The following SPOCK1 variants were observed in gnomAD, a reference collection of about 807,000 sequenced individuals.
SPOCK1 encodes SPARC (osteonectin), cwcv and kazal like domains proteoglycan 1.
A neutral mutation model predicts 55.3 loss-of-function variants in SPOCK1; 23 were observed. The ratio of observed to expected loss-of-function variants is 0.42; its 90% CI spans 0.30 to 0.59. The LOEUF is 0.59. SPOCK1 is among the 20% of genes least tolerant of loss of function. The pLI, the probability that SPOCK1 is intolerant of heterozygous loss-of-function variation, is 0.22. For missense variants in SPOCK1, 499 were observed against 552.5 expected (o/e 0.90, Z 0.97); for synonymous variants, 226 against 221.0 (o/e 1.02, Z -0.20).
At chr5:137,287,944 C>T (rs879700190) in intron 2 of SPOCK1, among the ~76,000 whole-genome samples, 1 of 152,120 alleles carries the variant, frequency 6.6e-6, no homozygotes, top group Non-Finnish European at 1.5e-5. Flanking sequence ...AAGGGAAGTC[C>T]CATTACAAGA....
At chr5:137,343,657 T>C (rs1486137858) in intron 2 of SPOCK1, among the ~76,000 whole-genome samples, 1 of 152,204 alleles carries the variant, frequency 6.6e-6, no homozygotes, top group Non-Finnish European at 1.5e-5. Flanking sequence ...ACACAGTTCC[T>C]CCTTAGGGTC....
At chr5:137,253,819 T>A (rs909482348) in intron 3 of SPOCK1, among the ~76,000 whole-genome samples, 10 of 152,212 alleles carry the variant, frequency 6.6e-5, no homozygotes, top group African/African-American at 2.4e-4. Flanking sequence ...GTGAGCAACC[T>A]ACAAATATCC....
intron 6 of SPOCK1, among the ~76,000 whole-genome samples, chr5:137,018,386 T>C (rs113087491): frequency 6.6e-6 from 1 of 152,206 alleles, no homozygotes; most frequent in African/African-American, 2.4e-5. Context: ...ATTCCTACTA[T>C]AATACGTATA....
chr5:137,298,750 T>C (rs1285972177), intron 2 of SPOCK1, among the ~76,000 whole-genome samples: 1 of 152,212 alleles, frequency 6.6e-6, no homozygotes, highest in Non-Finnish European at 1.5e-5. Flanking sequence ...GTACCTCTCT[T>C]TATCTGTGTT....
chr5:137,221,971 C>T (rs1431764015), intron 3 of SPOCK1, among the ~76,000 whole-genome samples: 1 of 152,110 alleles, frequency 6.6e-6, no homozygotes, highest in African/African-American at 2.4e-5. Flanking sequence ...CTTGATCAGA[C>T]TCCATCTGAA....
intron 3 of SPOCK1, among the ~76,000 whole-genome samples, chr5:137,231,152 C>T (rs1280615510): frequency 6.6e-6 from 1 of 152,102 alleles, no homozygotes; most frequent in African/African-American, 2.4e-5. Flanking sequence ...TCAAGTGATC[C>T]TCCTGCCTCA....
chr5:137,254,082 G>C (rs1187054563), intron 3 of SPOCK1, among the ~76,000 whole-genome samples: 2 of 152,062 alleles, frequency 1.3e-5, no homozygotes, highest in Non-Finnish European at 2.9e-5. Context: ...CCTAATCACT[G>C]GTAGAAAGAA....
chr5:137,033,451 G>A (rs562868969), intron 6 of SPOCK1, among the ~76,000 whole-genome samples: 1 of 152,256 alleles, frequency 6.6e-6, no homozygotes, highest in East Asian at 1.9e-4. Context: ...AGCCCCCAAG[G>A]AAATGCAGGG....
chr5:137,428,265 A>G (rs944168272), intron 2 of SPOCK1, among the ~76,000 whole-genome samples: 10 of 152,190 alleles, frequency 6.6e-5, no homozygotes, highest in African/African-American at 2.4e-4. Context: ...CCTTTATACA[A>G]CAAAGAACCT....
intron 2 of SPOCK1, among the ~76,000 whole-genome samples, chr5:137,301,791 GAAT>G (rs1757596293): frequency 6.6e-6 from 1 of 151,912 alleles, no homozygotes; most frequent in African/African-American, 2.4e-5. Context: ...ACAATTTACA[GAAT>G]AATGAAAAGC....
chr5:137,297,793 T>C (rs533609451), intron 2 of SPOCK1, among the ~76,000 whole-genome samples: 1 of 152,114 alleles, frequency 6.6e-6, no homozygotes, highest in South Asian at 2.1e-4. Flanking sequence ...ATGTCTTCAA[T>C]CGAGGTGCAC....
chr5:137,487,625 C>G (rs963892403), intron 2 of SPOCK1, among the ~76,000 whole-genome samples: 1 of 152,210 alleles, frequency 6.6e-6, no homozygotes, highest in Non-Finnish European at 1.5e-5. Flanking sequence ...GAAAACATAT[C>G]AGTTGGGTTA....
At chr5:137,338,250 T>C (rs976340077) in intron 2 of SPOCK1, among the ~76,000 whole-genome samples, 5 of 143,894 alleles carry the variant, frequency 3.5e-5, no homozygotes, top group African/African-American at 1.3e-4. Flanking sequence ...TTCCCACCTA[T>C]GAGTGAGAAC....
intron 4 of SPOCK1, among the ~76,000 whole-genome samples, chr5:137,132,808 T>C (rs1320852600): frequency 6.6e-6 from 1 of 152,114 alleles, no homozygotes; most frequent in East Asian, 1.9e-4. Flanking sequence ...TTTGTTGTTG[T>C]TGTTGTTTTT....
chr5:137,121,080 C>T (rs998866716), intron 4 of SPOCK1, among the ~76,000 whole-genome samples: 8 of 152,160 alleles, frequency 5.3e-5, no homozygotes, highest in African/African-American at 1.9e-4. Context: ...TAGGATTCTA[C>T]AGTCTTTACT....
chr5:137,006,944 A>G (rs995127819), intron 6 of SPOCK1, among the ~76,000 whole-genome samples: 1 of 152,152 alleles, frequency 6.6e-6, no homozygotes, highest in Admixed American at 6.6e-5. Context: ...TTTGGCGTCT[A>G]TTGAGAAATC....
chr5:137,036,790 C>T (rs1751893770), intron 6 of SPOCK1, among the ~76,000 whole-genome samples: 1 of 152,214 alleles, frequency 6.6e-6, no homozygotes, highest in Admixed American at 6.5e-5. Flanking sequence ...AGGCTAAGCC[C>T]TTGGGAACCT....
At chr5:137,280,537 A>C (rs2127124889) in intron 2 of SPOCK1, among the ~76,000 whole-genome samples, 1 of 152,328 alleles carries the variant, frequency 6.6e-6, no homozygotes, top group South Asian at 2.1e-4. Flanking sequence ...TTGCTTCCAA[A>C]TTTTAAGGAC....
At chr5:137,187,534 G>A (rs1755093428) in intron 3 of SPOCK1, among the ~76,000 whole-genome samples, 1 of 152,028 alleles carries the variant, frequency 6.6e-6, no homozygotes, top group Admixed American at 6.6e-5. Context: ...CCTTACTGAG[G>A]TGTTCCTGGG....
Sources: allele counts gnomAD v4.1 joint callset (sites outside exome capture counted in the v4.1 genomes callset), GRCh38; gene constraint gnomAD v4.1.1; transcripts MANE v1.5; gene names NCBI Gene and HGNC (gene_info 2026-07-23, HGNC 2026-07-21).